GALNT13: variants seen among roughly 807,000 people sequenced by gnomAD.
GALNT13 encodes polypeptide N-acetylgalactosaminyltransferase 13.
Under a neutral mutation model 64.2 loss-of-function variants are expected in GALNT13, and 28 were observed. That is an observed-to-expected ratio of 0.44 (90% CI 0.32 to 0.60). GALNT13 has a LOEUF of 0.60. Among genes scored for constraint, GALNT13 ranks in the 20% least tolerant of loss-of-function variants. GALNT13 has a pLI of 0.05. For synonymous variants in GALNT13, 214 were observed against 224.6 expected, an observed-to-expected ratio of 0.95 and a Z score of 0.42; for missense variants, 577 against 669.8, an observed-to-expected ratio of 0.86 and a Z score of 1.53.
the GALNT13 span, among the ~76,000 whole-genome samples, chr2:153,662,934 C>T: frequency 5.3e-5 from 8 of 152,116 alleles, no homozygotes; most frequent in Admixed American, 2.0e-4. Flanking sequence ...TAGACAATTA[C>T]GTAGGAACTT....
the GALNT13 span, among the ~76,000 whole-genome samples, chr2:153,507,105 C>T: frequency 6.6e-6 from 1 of 152,026 alleles, no homozygotes; most frequent in Non-Finnish European, 1.5e-5. Flanking sequence ...TGTATTCAAG[C>T]TCTAAAGTTC....
At chr2:153,890,621 G>A (rs1225068954) in intron 1 of GALNT13, among the ~76,000 whole-genome samples, 1 of 152,056 alleles carries the variant, frequency 6.6e-6, no homozygotes, top group Non-Finnish European at 1.5e-5. Flanking sequence ...GTCTCCCTCT[G>A]TAAGGCTAAA....
At chr2:153,795,967 G>T in the GALNT13 span, among the ~76,000 whole-genome samples, 1 of 152,198 alleles carries the variant, frequency 6.6e-6, no homozygotes, top group Non-Finnish European at 1.5e-5. Context: ...GTTCTTGCGT[G>T]TTTTCACCTG....
chr2:153,904,260 T>C (rs1233149327), intron 2 of GALNT13, among the ~76,000 whole-genome samples: 2 of 151,932 alleles, frequency 1.3e-5, no homozygotes, highest in African/African-American at 2.4e-5. Flanking sequence ...GTTTGGGCCA[T>C]TACCCAAATG....
the GALNT13 span, among the ~76,000 whole-genome samples, chr2:153,723,608 T>C: frequency 1.3e-5 from 2 of 151,998 alleles, no homozygotes; most frequent in African/African-American, 4.8e-5. Context: ...CAGCAAAGTC[T>C]CAGGATACAA....
chr2:153,947,319 A>G (rs1270989276), intron 3 of GALNT13, among the ~76,000 whole-genome samples: 1 of 151,838 alleles, frequency 6.6e-6, no homozygotes, highest in African/African-American at 2.4e-5. Context: ...TTCTGTATGT[A>G]TTTATGTGAC....
At chr2:154,294,142 C>G (rs1692791180) in intron 8 of GALNT13, among the ~76,000 whole-genome samples, 1 of 152,160 alleles carries the variant, frequency 6.6e-6, no homozygotes, top group South Asian at 2.1e-4. Flanking sequence ...GAGTCAGTAG[C>G]CTATGGCATA....
At chr2:153,616,438 A>C in the GALNT13 span, among the ~76,000 whole-genome samples, 7 of 152,000 alleles carry the variant, frequency 4.6e-5, no homozygotes, top group African/African-American at 1.7e-4. Context: ...TATTCATTTT[A>C]GGATTTTTTT....
In GALNT13 at chr2:154,328,088, G is replaced by A. The variant is rs114796768; in HGVS notation, c.1156+26499G>A. On this transcript the variant is annotated intron_variant, in intron 9 of 12. Transcript: ENST00000392825. ...TAAAATGCAGTTTAAAGAATTACACGAAAATGAATATCTTTGTCCCCAGCA... is the reference window on the plus strand; with the variant it reads ...TAAAATGCAGTTTAAAGAATTACACAAAAATGAATATCTTTGTCCCCAGCA... Among the ~76,000 whole-genome samples, 407 of 152,000 alleles carry A rather than the reference G, an allele frequency of 2.7e-3. 2 individuals are homozygous for A. Among genetic ancestry groups the A allele is most frequent in the African/African-American group, 9.0e-3 (374 of 41,488 alleles).
At chr2:154,394,077 CAAAAAAAAAA>C (rs369267777) in intron 9 of GALNT13, among the ~76,000 whole-genome samples, 11 of 32,008 alleles carry the variant, frequency 3.4e-4, no homozygotes, top group South Asian at 2.4e-3. Flanking sequence ...GACTCCGTCT[CAAAAAAAAAA>C]AAAAAAAAAA....
chr2:154,409,202 C>T (rs751943505), intron 11 of GALNT13, 120 bp downstream of exon 11: 6 of 727,132 alleles, frequency 8.3e-6, no homozygotes, highest in Non-Finnish European at 1.5e-5. Context: ...TAAATGTACA[C>T]TCAAATCTAG....
chr2:154,032,885 T>TTA (rs1698428723), intron 3 of GALNT13, among the ~76,000 whole-genome samples: 1 of 149,428 alleles, frequency 6.7e-6, no homozygotes, highest in East Asian at 2.0e-4. Flanking sequence ...TTTTTTTTTT[T>TTA]ACATTGTCCT....
chr2:153,661,186 A>G, the GALNT13 span, among the ~76,000 whole-genome samples: 2 of 152,030 alleles, frequency 1.3e-5, no homozygotes, highest in Admixed American at 6.6e-5. Flanking sequence ...CTTCCTTTTT[A>G]TCTGTAAAAT....
At chr2:154,361,404 A>C (rs1471139861) in intron 9 of GALNT13, among the ~76,000 whole-genome samples, 2 of 152,054 alleles carry the variant, frequency 1.3e-5, no homozygotes, top group Non-Finnish European at 2.9e-5. Context: ...GACGGTCTAT[A>C]ATTCTTTCAG....
the GALNT13 span, among the ~76,000 whole-genome samples, chr2:153,232,558 A>C: frequency 6.6e-6 from 1 of 152,338 alleles, no homozygotes; most frequent in East Asian, 1.9e-4. Flanking sequence ...TCCTGTAAGG[A>C]AATTCATTGA....
At chr2:153,735,030 T>A in the GALNT13 span, among the ~76,000 whole-genome samples, 2 of 152,104 alleles carry the variant, frequency 1.3e-5, no homozygotes, top group Non-Finnish European at 2.9e-5. Context: ...CCAGACAAAG[T>A]GAAAGAACCA....
At chr2:153,770,877 T>C in the GALNT13 span, among the ~76,000 whole-genome samples, 1 of 152,138 alleles carries the variant, frequency 6.6e-6, no homozygotes, top group Admixed American at 6.5e-5. Flanking sequence ...TGAGGTGTGG[T>C]CTTGTGGATA....
At chr2:153,099,181 AT>A in the GALNT13 span, among the ~76,000 whole-genome samples, 1 of 152,172 alleles carries the variant, frequency 6.6e-6, no homozygotes, top group Non-Finnish European at 1.5e-5. Flanking sequence ...ACACTTTATC[AT>A]TTTAAACATG....
chr2:154,272,038 T>G (rs1573994422), intron 8 of GALNT13, among the ~76,000 whole-genome samples: 1 of 151,746 alleles, frequency 6.6e-6, no homozygotes, highest in East Asian at 1.9e-4. Context: ...CGAATGAAAA[T>G]TATACAAAAA....
Sources: allele counts gnomAD v4.1 joint callset (sites outside exome capture counted in the v4.1 genomes callset), GRCh38; gene constraint gnomAD v4.1.1; transcripts MANE v1.5; gene names NCBI Gene and HGNC (gene_info 2026-07-23, HGNC 2026-07-21).